Variants in IFT140 observed in about 807,000 individuals in gnomAD.
IFT140 encodes the protein intraflagellar transport 140, also known as intraflagellar transport protein 140 homolog.
IFT140 carries 133 observed loss-of-function variants against 164.6 expected under a neutral mutation model. The observed-to-expected ratio is 0.81, with a 90% CI of 0.70 to 0.93. The LOEUF is 0.93. Among genes scored for constraint, IFT140 ranks in the 40% least tolerant of loss-of-function variants. The pLI, the probability that IFT140 is intolerant of heterozygous loss-of-function variation, is 0.00. For synonymous variants in IFT140, 860 were observed against 817.3 expected (o/e 1.05, Z -0.89); for missense variants, 2,045 against 1,972.3 (o/e 1.04, Z -0.70).
rs778960409 is a variant in IFT140 at position 1,564,092 on chromosome 16, G to A, written c.1972C>T (p.Pro658Ser). The A allele has an allele frequency of 1.2e-5, 19 of 1,604,154 alleles. No individual in the cohort carries two copies. The African/African-American group carries it at 2.0e-4, about 17-fold the overall frequency. The change falls in exon 17 of 31, where the codon CCC becomes TCC. Residue 658 changes from proline to serine, a missense_variant. Pro to Ser is a moderately conservative substitution (Grantham distance 74). Transcript: ENST00000426508. This position sits in a 1 kb window ranked among gnomAD's most constrained non-coding sequence, Gnocchi z 5.5. ...ACGGCTTCGCATACAAACAGCCGGG[G>A]CTCACTCTGGTCCCAGAAGTGGTTC... The part of the protein sequence containing the change: ...PVNHFWDQSE[P>S]RLFVCEAVQE...
At chr16:1,582,859 C>T (rs900130154) in intron 12 of IFT140, among the ~76,000 whole-genome samples, 17 of 152,356 alleles carry the variant, frequency 1.1e-4, no homozygotes, top group Admixed American at 9.8e-4. Context: ...GGTGAGATTG[C>T]ACCACTGCAC....
chr16:1,513,280 G>A lies in IFT140; in HGVS notation c.4183-2130C>T, dbSNP rs374202030. 35 of 152,328 alleles carry A rather than the reference G, an allele frequency of 2.3e-4. No individual in the cohort carries two copies. In the East Asian group the frequency reaches 3.1e-3, roughly 13 times the overall value. The allele number at this position is 152,328 out of a possible 1,614,324, so 9.4% of individuals were successfully genotyped here. A position where few individuals can be genotyped will look rare whatever the true frequency, so the allele number is the denominator to read the frequency against. On this transcript the variant is annotated intron_variant, in intron 30 of 30. Coordinates refer to ENST00000426508, the MANE Select transcript of IFT140 (RefSeq NM_014714.4). ...CGAGGTGGGCGGATCACGAGGTCAG[G>A]AGATCAAGACCATCCTGGCTAACAC...
At chr16:1,534,045 G>A (rs1249931042) in intron 19 of IFT140, 10 of 550,546 alleles carry the variant, frequency 1.8e-5, no homozygotes, top group Middle Eastern at 4.7e-4. Context: ...GATGGGCCCC[G>A]AGGCGAGCAG....
intron 2 of IFT140, among the ~76,000 whole-genome samples, chr16:1,608,016 A>G (rs1412123310): frequency 6.6e-6 from 1 of 152,266 alleles, no homozygotes; most frequent in East Asian, 1.9e-4. Flanking sequence ...AAAAACCAGT[A>G]CTGAATTTCC....
rs771838598 is a variant in IFT140 at position 1,583,323 on chromosome 16, G to C, written c.1423C>G (p.Arg475Gly). The C allele has an allele frequency of 2.5e-6, 4 of 1,614,024 alleles. No homozygotes were observed. The highest frequency in any genetic ancestry group is 3.3e-4 in the Middle Eastern group (2 of 6,062). Residue 475 changes from arginine (R) to glycine (G), a missense_variant, in exon 12 of 31, where the codon CGG becomes GGG. Arg to Gly is a moderately radical substitution (Grantham distance 125). Coordinates refer to ENST00000426508, the MANE Select transcript of IFT140 (RefSeq NM_014714.4). ...GGTGAAAAGAACCCACCTGCACTCCGTATCGCGGCTCCAGAAAGCTCGAAG... is the reference window on the plus strand; with the variant it reads ...GGTGAAAAGAACCCACCTGCACTCCCTATCGCGGCTCCAGAAAGCTCGAAG... ...AIFELSGAAI[R>G]SAGTFLCETP...
chr16:1,588,125 A>T, intron 7 of IFT140, 101 bp from the exon 8 acceptor site: 1 of 871,114 alleles, frequency 1.1e-6, no homozygotes, highest in Non-Finnish European at 1.8e-6. Flanking sequence ...CTTCATGGAG[A>T]CTCACCAAGT....
rs36091619 is a variant in IFT140 at position 1,578,578 on chromosome 16, T to TA, written c.1524+2180dup. Reference sequence around the variant, plus strand: ...GGTGACATAGTGAGATCCTGTCCCTTAAAAAAAAAAAAAAAAGACATGGCC... The same window carrying TA: ...GGTGACATAGTGAGATCCTGTCCCTTAAAAAAAAAAAAAAAAAGACATGGCC... On this transcript the variant is annotated intron_variant, in intron 13 of 30. Transcript: ENST00000426508. Among the ~76,000 whole-genome samples, 464 of 138,964 alleles carry TA rather than the reference T, an allele frequency of 3.3e-3. 1 individual carries two copies. Among genetic ancestry groups the TA allele is most frequent in the African/African-American group, 8.8e-3 (333 of 37,660 alleles). The allele number at this position is 138,964 out of a possible 152,430, so 91.2% of individuals were successfully genotyped here.
intron 13 of IFT140, chr16:1,576,830 G>A (rs1275704435): frequency 6.6e-6 from 1 of 152,184 alleles, no homozygotes; most frequent in Non-Finnish European, 1.5e-5. Flanking sequence ...ACAGAAAGAT[G>A]CGATCTGCAA....
At chr16:1,569,331 C>T (rs927233787) in intron 14 of IFT140, among the ~76,000 whole-genome samples, 1 of 151,992 alleles carries the variant, frequency 6.6e-6, no homozygotes, top group South Asian at 2.1e-4. Context: ...CTATGGGACA[C>T]CTGTCTCTTC....
chr16:1,536,522 T>C (rs994388533), intron 19 of IFT140, among the ~76,000 whole-genome samples: 2 of 152,204 alleles, frequency 1.3e-5, no homozygotes, highest in African/African-American at 4.8e-5. Context: ...CAGCGAAGGT[T>C]TGTCCACACA....
intron 2 of IFT140, among the ~76,000 whole-genome samples, chr16:1,608,414 A>G (rs1362837838): frequency 6.6e-6 from 1 of 151,676 alleles, no homozygotes; most frequent in Non-Finnish European, 1.5e-5. Context: ...AGATTGCCTG[A>G]GCTTAGGAGT....
chr16:1,550,599 C>T (rs1401113304), intron 19 of IFT140, among the ~76,000 whole-genome samples: 2 of 152,154 alleles, frequency 1.3e-5, no homozygotes, highest in African/African-American at 4.8e-5. Context: ...ACTGCTAGGG[C>T]ACCCGGCAGG....
At chr16:1,605,522 C>G (rs994170959) in intron 3 of IFT140, among the ~76,000 whole-genome samples, 2 of 152,284 alleles carry the variant, frequency 1.3e-5, no homozygotes, top group Admixed American at 1.3e-4. Flanking sequence ...TCTCCTGCCT[C>G]AGCCTCCTGA....
chr16:1,603,212 T>C (rs922474389), intron 3 of IFT140, among the ~76,000 whole-genome samples: 1 of 152,074 alleles, frequency 6.6e-6, no homozygotes, highest in Admixed American at 6.6e-5. Flanking sequence ...GCACGCATTT[T>C]AGTGCGTGGC....
Position 1,571,519 on chromosome 16 carries a change from GTTGT to G in IFT140, c.1536_1539del (p.Lys512AsnfsTer24). 6.2e-7 allele frequency: 1 copy of G among 1,612,058 alleles called. No individual in the cohort carries two copies. The highest frequency in any genetic ancestry group is 8.5e-7 in the Non-Finnish European group (1 of 1,179,404). ...CCCTCAGTCTCCGAGAAAAGGAGGA[GTTGT>G]TTGACAGTCCCCTGAGGAAAAGGAA... is the stretch of plus-strand genomic sequence containing the variant. On this transcript the variant is annotated frameshift_variant, in exon 14 of 31. Coordinates refer to ENST00000426508, the MANE Select transcript of IFT140 (RefSeq NM_014714.4). LOFTEE classifies it high-confidence loss of function.
intron 12 of IFT140, among the ~76,000 whole-genome samples, chr16:1,582,712 T>G (rs1318037656): frequency 6.6e-6 from 1 of 152,248 alleles, no homozygotes; most frequent in Non-Finnish European, 1.5e-5. Flanking sequence ...GAGACCAGCC[T>G]GGCCAACATG....
At chr16:1,528,418 CATGCACACACAG>C (rs1450474573) in intron 19 of IFT140, among the ~76,000 whole-genome samples, 3 of 125,682 alleles carry the variant, frequency 2.4e-5, no homozygotes, top group Admixed American at 7.5e-5. Context: ...CATGGACGCA[CATGCACACACAG>C]ATGCACACAC....
chr16:1,523,721 G>A (rs762168895), intron 25 of IFT140, 21 bp from the exon 26 acceptor site: 2 of 1,609,164 alleles, frequency 1.2e-6, no homozygotes, highest in African/African-American at 2.7e-5. Flanking sequence ...GGTGGGCTCT[G>A]AGCAGCTGCC....
chr16:1,581,055 C>G (rs141046101), intron 12 of IFT140, among the ~76,000 whole-genome samples: 2 of 152,168 alleles, frequency 1.3e-5, no homozygotes, highest in Non-Finnish European at 2.9e-5. Flanking sequence ...AGTGGCAGTG[C>G]GTGCGGGTCC....
Sources: gnomAD v4.1 joint callset for allele counts (sites outside exome capture counted in the v4.1 genomes callset) on GRCh38, gnomAD v4.1.1 for gene constraint, Gnocchi (gnomAD v3.1) non-coding constraint, MANE v1.5 for transcripts, NCBI Gene and HGNC (gene_info 2026-07-23, HGNC 2026-07-21) for gene names.